AMTN: variants seen among roughly 807,000 people sequenced by gnomAD.
The protein encoded by AMTN is amelotin.
AMTN carries 29 observed loss-of-function variants against 27.4 expected under a neutral mutation model. The observed-to-expected ratio is 1.06, with a 90% CI of 0.79 to 1.44. The LOEUF is 1.44. Ranked by LOEUF, AMTN falls within the 40% of genes most tolerant of loss-of-function variation. The pLI is 0.00. For synonymous variants in AMTN, 86 were observed against 95.7 expected (o/e 0.90, Z 0.59); for missense variants, 247 against 248.8 (o/e 0.99, Z 0.05).
chr4:70,524,865 C>G lies in AMTN; in HGVS notation c.205-7C>G, dbSNP rs377035574. Reference sequence around the variant, plus strand: ...ATACAATGAAAGTCTTCTTCCTTGCCCTACAGTTAAATCCTGCTGCAGGAA... The same window carrying G: ...ATACAATGAAAGTCTTCTTCCTTGCGCTACAGTTAAATCCTGCTGCAGGAA... On this transcript the variant is annotated splice_polypyrimidine_tract_variant and splice_region_variant and intron_variant, in intron 4 of 8. Coordinates refer to ENST00000339336, the MANE Select transcript of AMTN (RefSeq NM_212557.4). 1.2e-6 allele frequency: 2 copies of G among 1,613,310 alleles called. No homozygotes were observed. Among genetic ancestry groups the G allele is most frequent in the African/African-American group, 2.7e-5 (2 of 74,874 alleles).
At chr4:70,520,216 C>A (rs1422061993) in intron 2 of AMTN, among the ~76,000 whole-genome samples, 1 of 152,146 alleles carries the variant, frequency 6.6e-6, no homozygotes, top group Non-Finnish European at 1.5e-5. Flanking sequence ...TGCTAATAGA[C>A]AATGAGAGCA....
At chr4:70,530,221 GCACACACACACA>G (rs3223259) in intron 7 of AMTN, among the ~76,000 whole-genome samples, 3 of 150,208 alleles carry the variant, frequency 2.0e-5, no homozygotes, top group East Asian at 2.0e-4. Context: ...ATGCAGCTTA[GCACACACACACA>G]CACACACACA....
chr4:70,521,546 T>TTATATATATTATA (rs1735967316), intron 2 of AMTN, among the ~76,000 whole-genome samples: 2 of 147,616 alleles, frequency 1.4e-5, no homozygotes, highest in Admixed American at 1.4e-4. Flanking sequence ...CTTACAAAAT[T>TTATATATATTATA]TATATATATT....
chr4:70,521,154 G>T (rs910688168), intron 2 of AMTN, among the ~76,000 whole-genome samples: 1 of 152,026 alleles, frequency 6.6e-6, no homozygotes, highest in Non-Finnish European at 1.5e-5. Context: ...CAAGGCAGGC[G>T]GATCACTTGA....
At chr4:70,529,109 A>T in intron 6 of AMTN, 75 bp from the exon 7 acceptor site, 1 of 1,260,638 alleles carries the variant, frequency 7.9e-7, no homozygotes, top group Non-Finnish European at 1.1e-6. Flanking sequence ...TTAAGTTTTA[A>T]GTGATATTAT....
chr4:70,529,402 T>C (rs1736167370), intron 7 of AMTN, among the ~76,000 whole-genome samples, 192 bp downstream of exon 7: 1 of 152,204 alleles, frequency 6.6e-6, no homozygotes, highest in Non-Finnish European at 1.5e-5. Flanking sequence ...CCAGCTACTT[T>C]TCTATTAATT....
At chr4:70,521,640 CTTTTTTTTTTTTTTTTTTTTT>C (rs763143860) in intron 2 of AMTN, among the ~76,000 whole-genome samples, 1 of 76,468 alleles carries the variant, frequency 1.3e-5, no homozygotes, top group South Asian at 5.6e-4. Flanking sequence ...ACCAACCTCT[CTTTTTTTTTTTTTTTTTTTTT>C]TTTTTTTTTT....
In AMTN at chr4:70,518,809, T is replaced by C; in HGVS notation, c.32T>C (p.Leu11Pro). 6.2e-7 allele frequency: 1 copy of C among 1,609,894 alleles called. No individual in the cohort carries two copies. The highest frequency in any genetic ancestry group is 8.5e-7 in the Non-Finnish European group (1 of 1,176,142). The change falls in exon 2 of 9, where the codon CTA becomes CCA. Residue 11 changes from leucine (L) to proline (P), a missense_variant. Physicochemically the swap from Leu to Pro is moderately conservative, Grantham distance 98. Coordinates refer to ENST00000339336, the MANE Select transcript of AMTN (RefSeq NM_212557.4). ...AGTACGATTCTACTGTTTTGTCTTC[T>C]AGGATCAACTCGGTCATTACCAGTA... Reference protein sequence around the residue: MRSTILLFCLLGSTRSLPQLK... With the variant: MRSTILLFCLPGSTRSLPQLK...
chr4:70,519,760 C>T (rs936464082), intron 2 of AMTN, among the ~76,000 whole-genome samples: 7 of 149,014 alleles, frequency 4.7e-5, no homozygotes, highest in Non-Finnish European at 1.5e-5. Flanking sequence ...TTATTTTTTA[C>T]TCAAATGATT....
chr4:70,530,777 T>A (rs1480087894), intron 7 of AMTN, among the ~76,000 whole-genome samples: 1 of 152,186 alleles, frequency 6.6e-6, no homozygotes, highest in African/African-American at 2.4e-5. Flanking sequence ...AAAAATGTTA[T>A]GAGCAAAAGA....
chr4:70,520,777 T>C (rs576571619), intron 2 of AMTN, among the ~76,000 whole-genome samples: 7 of 152,020 alleles, frequency 4.6e-5, no homozygotes, highest in Admixed American at 1.3e-4. Flanking sequence ...TGGTGCACAG[T>C]GGAGAAGGGG....
Position 70,532,452 on chromosome 4 carries a change from C to T in AMTN, c.620-3C>T, listed in dbSNP as rs1736245607. On this transcript the variant is annotated splice_polypyrimidine_tract_variant and splice_region_variant and intron_variant, in intron 8 of 8. Transcript: ENST00000339336. ...ATTTAAAAGGTGTTTTATTTTCTTC[C>T]AGGAATTCAGTAAGCTGTTTCAAAT... The T allele has an allele frequency of 6.2e-7, 1 of 1,603,014 alleles. No individual in the cohort carries two copies.
intron 2 of AMTN, among the ~76,000 whole-genome samples, chr4:70,520,633 T>A (rs1735933076): frequency 6.6e-6 from 1 of 152,106 alleles, no homozygotes. Flanking sequence ...TAAACCACAG[T>A]GAAGTCTATA....
intron 7 of AMTN, among the ~76,000 whole-genome samples, chr4:70,529,563 A>G (rs892502485): frequency 6.6e-6 from 1 of 152,232 alleles, no homozygotes; most frequent in Non-Finnish European, 1.5e-5. Context: ...TTGACTTTTT[A>G]CAGGAAAGAT....
Position 70,523,936 on chromosome 4 carries a change from A to G in AMTN, c.204+3A>G, listed in dbSNP as rs780982733. On this transcript the variant is annotated splice_donor_region_variant and intron_variant, in intron 4 of 8. Coordinates refer to ENST00000339336, the MANE Select transcript of AMTN (RefSeq NM_212557.4). ...CACTGGGGCCAGATCTGCATCTGGT[A>G]AGTGATTGTTTATATTATTTTAATA... 1.5e-5 allele frequency: 24 copies of G among 1,609,622 alleles called. No individual in the cohort carries two copies. In the Middle Eastern group the frequency reaches 8.2e-4, roughly 55 times the overall value.
rs191426777 is a variant in AMTN, at chr4:70,530,412, G to A, written c.358-627G>A. Among the ~76,000 whole-genome samples, 9 of 152,268 alleles carry A rather than the reference G, an allele frequency of 5.9e-5. No homozygotes were observed. In the South Asian group the frequency reaches 6.2e-4, roughly 11 times the overall value. On this transcript the variant is annotated intron_variant, in intron 7 of 8. Coordinates refer to ENST00000339336, the MANE Select transcript of AMTN (RefSeq NM_212557.4). Reference sequence around the variant, plus strand: ...ACTCTGCTCCTATCTGTCATCCAGCGTAAGTCTAATTCTGGTTTCAATATC... The same window carrying A: ...ACTCTGCTCCTATCTGTCATCCAGCATAAGTCTAATTCTGGTTTCAATATC...
intron 5 of AMTN, among the ~76,000 whole-genome samples, chr4:70,527,954 A>G (rs1407856571): frequency 6.6e-6 from 1 of 152,208 alleles, no homozygotes; most frequent in African/African-American, 2.4e-5. Context: ...TATTCCCTAT[A>G]ATTGCTTTAT....
intron 2 of AMTN, among the ~76,000 whole-genome samples, chr4:70,521,208 G>A (rs1285827799): frequency 6.6e-5 from 10 of 151,986 alleles, no homozygotes; most frequent in African/African-American, 1.7e-4. Flanking sequence ...GTGAAACACC[G>A]TCCCTACTAA....
chr4:70,518,680 GTAGAACT>G, intron 1 of AMTN, 26 bp downstream of exon 1: 1 of 970,074 alleles, frequency 1.0e-6, no homozygotes, highest in South Asian at 1.3e-5. Context: ...CATGTTTCAA[GTAGAACT>G]TTTGTTTTTA....
Sources: allele counts gnomAD v4.1 joint callset (sites outside exome capture counted in the v4.1 genomes callset), GRCh38; gene constraint gnomAD v4.1.1; transcripts MANE v1.5; gene names NCBI Gene and HGNC (gene_info 2026-07-23, HGNC 2026-07-21).